The following SLC36A4 variants were observed in gnomAD, a reference collection of about 807,000 sequenced individuals.
SLC36A4 encodes the protein solute carrier family 36 member 4.
Under a neutral mutation model 50.5 loss-of-function variants are expected in SLC36A4, and 49 were observed. That is an observed-to-expected ratio of 0.97 (90% CI 0.77 to 1.23). The LOEUF (loss-of-function observed/expected upper bound fraction) is 1.23, where lower values mean the gene tolerates loss of function less well. SLC36A4 is among the 50% of genes most tolerant of loss of function. The pLI, the probability that SLC36A4 is intolerant of heterozygous loss-of-function variation, is 0.00. For synonymous variants in SLC36A4, 207 were observed against 206.5 expected (o/e 1.00, Z -0.02); for missense variants, 611 against 608.4 (o/e 1.00, Z -0.05).
intron 1 of SLC36A4, among the ~76,000 whole-genome samples, chr11:93,188,375 A>G (rs1397552685): frequency 6.6e-6 from 1 of 152,210 alleles, no homozygotes; most frequent in Non-Finnish European, 1.5e-5. Flanking sequence ...ACAGTCTATA[A>G]AATTATTTAC....
At chr11:93,148,871 T>C (rs777458061) in intron 10 of SLC36A4, 27 bp from the exon 11 acceptor site, 20 of 1,570,986 alleles carry the variant, frequency 1.3e-5, no homozygotes, top group Non-Finnish European at 1.6e-5. Flanking sequence ...CATTTATTTT[T>C]CTTATTTAAA....
chr11:93,176,710 C>T (rs1301543056), intron 6 of SLC36A4, among the ~76,000 whole-genome samples: 2 of 152,084 alleles, frequency 1.3e-5, no homozygotes, highest in Non-Finnish European at 2.9e-5. Flanking sequence ...ACTTATGAAG[C>T]TTAGTTTGGC....
intron 9 of SLC36A4, among the ~76,000 whole-genome samples, chr11:93,159,641 A>T (rs974153916): frequency 6.6e-6 from 1 of 152,194 alleles, no homozygotes; most frequent in Non-Finnish European, 1.5e-5. Context: ...TGTAGCATTT[A>T]TCACTAGATT....
chr11:93,185,643 T>C, intron 2 of SLC36A4, 48 bp downstream of exon 2: 2 of 1,498,652 alleles, frequency 1.3e-6, no homozygotes, highest in East Asian at 2.3e-5. Context: ...GATTACAAAA[T>C]ACATACTGAA....
chr11:93,190,714 T>C (rs1862182779), intron 1 of SLC36A4, among the ~76,000 whole-genome samples: 1 of 152,196 alleles, frequency 6.6e-6, no homozygotes, highest in Non-Finnish European at 1.5e-5. Context: ...ACTAGCTAAG[T>C]TCTAACTATG....
chr11:93,144,441 A>G lies in SLC36A4; in HGVS notation c.*4096T>C, dbSNP rs1859811060. 6.6e-6 allele frequency: 1 copy of G among 152,042 alleles called. No individual in the cohort carries two copies. Among genetic ancestry groups the G allele is most frequent in the African/African-American group, 2.4e-5 (1 of 41,432 alleles). The allele number at this position is 152,042 out of a possible 1,614,324, so 9.4% of individuals were successfully genotyped here. A position where few individuals can be genotyped will look rare whatever the true frequency, so the allele number is the denominator to read the frequency against. On this transcript the variant is annotated 3_prime_UTR_variant, in exon 11 of 11. Coordinates refer to ENST00000326402, the MANE Select transcript of SLC36A4 (RefSeq NM_152313.4). ...TCTTTTCAAAACAGCATCTTTCTGG[A>G]CCCAATTTAAATAGTAATTTAGTAT... is the stretch of plus-strand genomic sequence containing the variant.
chr11:93,180,843 C>A lies in SLC36A4; in HGVS notation c.494G>T (p.Gly165Val). Residue 165 changes from glycine to valine, a missense_variant, in exon 6 of 11, where the codon GGA (glycine) becomes GTA (valine). Gly to Val is a moderately radical substitution (Grantham distance 109, BLOSUM62 -3). Transcript: ENST00000326402. ...VDFFLVITQL[G>V]FCSVYIVFLA... ...GAAGACAATATAAACACTACAGAAT[C>A]CCAGCTGTGTTATCACCAGAAAAAA... The A allele has an allele frequency of 6.2e-7, 1 of 1,612,944 alleles. No individual in the cohort carries two copies. The highest frequency in any genetic ancestry group is 8.5e-7 in the Non-Finnish European group (1 of 1,179,296).
At chr11:93,160,358 C>G in intron 9 of SLC36A4, 1 of 985,342 alleles carries the variant, frequency 1.0e-6, no homozygotes, top group Non-Finnish European at 1.2e-6. Flanking sequence ...GATACTTGTA[C>G]TAGGGTTTCC....
At chr11:93,163,116 C>G (rs961803942) in intron 8 of SLC36A4, among the ~76,000 whole-genome samples, 12 of 151,514 alleles carry the variant, frequency 7.9e-5, no homozygotes, top group Non-Finnish European at 1.2e-4. Context: ...TTTAAATAAC[C>G]TTTTTATTTT....
At chr11:93,189,065 CTT>C (rs1052134962) in intron 1 of SLC36A4, among the ~76,000 whole-genome samples, 22 of 141,298 alleles carry the variant, frequency 1.6e-4, no homozygotes, top group Admixed American at 2.8e-4. Context: ...AAAGCCTCAC[CTT>C]TTTTTTTTTT....
chr11:93,172,317 T>A (rs189553001), intron 6 of SLC36A4, among the ~76,000 whole-genome samples: 2 of 152,194 alleles, frequency 1.3e-5, no homozygotes, highest in East Asian at 3.9e-4. Flanking sequence ...GTAAGTTCTT[T>A]AGTGGTGATT....
At chr11:93,177,247 T>C (rs181422427) in intron 6 of SLC36A4, among the ~76,000 whole-genome samples, 7 of 152,362 alleles carry the variant, frequency 4.6e-5, no homozygotes, top group African/African-American at 1.7e-4. Context: ...AATCAGCTAC[T>C]GAAGCTTGTG....
At chr11:93,158,424 C>T (rs774318869) in intron 9 of SLC36A4, among the ~76,000 whole-genome samples, 2 of 151,932 alleles carry the variant, frequency 1.3e-5, no homozygotes, top group Non-Finnish European at 2.9e-5. Flanking sequence ...AAAGTCACAT[C>T]GGCTAAGAAT....
intron 10 of SLC36A4, among the ~76,000 whole-genome samples, 153 bp from the exon 11 acceptor site, chr11:93,148,997 T>C (rs1399334389): frequency 2.0e-5 from 3 of 152,104 alleles, no homozygotes; most frequent in Non-Finnish European, 4.4e-5. Context: ...AAATCTGCCA[T>C]ATTTTGTTCT....
rs1859928183 is a variant in SLC36A4, at chr11:93,148,441, G to A, written c.*96C>T. 9.4e-7 allele frequency: 1 copy of A among 1,065,950 alleles called. No homozygotes were observed. Among genetic ancestry groups the A allele is most frequent in the Non-Finnish European group, 1.4e-6 (1 of 718,424 alleles). The allele number at this position is 1,065,950 out of a possible 1,614,324, so 66.0% of individuals were successfully genotyped here. A position where few individuals can be genotyped will look rare whatever the true frequency, so the allele number is the denominator to read the frequency against. ...TATCGTGCCAAAGAAAACAGAGTTT[G>A]TTACCATTTTTATGTATATAGCAAT... is the stretch of plus-strand genomic sequence containing the variant. On this transcript the variant is annotated 3_prime_UTR_variant, in exon 11 of 11. Coordinates refer to ENST00000326402, the MANE Select transcript of SLC36A4 (RefSeq NM_152313.4).
chr11:93,169,341 A>G (rs1861029111), intron 6 of SLC36A4, among the ~76,000 whole-genome samples: 2 of 152,040 alleles, frequency 1.3e-5, no homozygotes, highest in African/African-American at 4.8e-5. Flanking sequence ...TGGTTCTAGG[A>G]TTCAAACCTA....
At chr11:93,182,358 C>T in intron 4 of SLC36A4, 1 of 353,572 alleles carries the variant, frequency 2.8e-6, no homozygotes, top group South Asian at 1.1e-4. Context: ...TACTAGAATA[C>T]ATATGGTCTA....
At chr11:93,165,575 T>A (rs184456058) in intron 8 of SLC36A4, among the ~76,000 whole-genome samples, 3 of 152,268 alleles carry the variant, frequency 2.0e-5, no homozygotes, top group Non-Finnish European at 2.9e-5. Context: ...AGTTAATAAT[T>A]TTTGAAGCCA....
intron 9 of SLC36A4, 25 bp downstream of exon 9, chr11:93,162,681 T>G (rs781355775): frequency 1.9e-6 from 3 of 1,546,856 alleles, no homozygotes; most frequent in Non-Finnish European, 2.6e-6. Context: ...TATAAACTAA[T>G]ATTGACAAAT....
Sources: allele counts gnomAD v4.1 joint callset (sites outside exome capture counted in the v4.1 genomes callset), GRCh38; gene constraint gnomAD v4.1.1; transcripts MANE v1.5; gene names NCBI Gene and HGNC (gene_info 2026-07-23, HGNC 2026-07-21).